Variants in GRID2 observed in about 807,000 individuals in gnomAD.
GRID2 encodes glutamate ionotropic receptor delta type subunit 2, also known as glutamate receptor ionotropic, delta-2.
Under a neutral mutation model 114.8 loss-of-function variants are expected in GRID2, and 33 were observed. The ratio of observed to expected loss-of-function variants is 0.29; its 90% CI spans 0.22 to 0.38. The LOEUF (loss-of-function observed/expected upper bound fraction) is 0.38. GRID2 is among the 10% of genes least tolerant of loss of function. The probability of loss-of-function intolerance (pLI) is 1.00; values close to 1 mark genes in which losing one functional copy is unlikely to be tolerated. For missense variants in GRID2, 1,184 were observed against 1,257.7 expected (o/e 0.94, Z 0.89); for synonymous variants, 505 against 449.9 (o/e 1.12, Z -1.55).
At chr4:92,792,391 T>A (rs781311672) in intron 2 of GRID2, among the ~76,000 whole-genome samples, 1 of 150,628 alleles carries the variant, frequency 6.6e-6, no homozygotes, top group African/African-American at 2.4e-5. Context: ...CCTTGTGTAG[T>A]TCAGAATGCT....
At chr4:92,877,485 T>A (rs1745716137) in intron 2 of GRID2, among the ~76,000 whole-genome samples, 1 of 152,216 alleles carries the variant, frequency 6.6e-6, no homozygotes, top group Non-Finnish European at 1.5e-5. Flanking sequence ...GTAATGAGGA[T>A]GAGCGAGGCA....
intron 4 of GRID2, among the ~76,000 whole-genome samples, chr4:93,136,244 G>C (rs1273255562): frequency 6.7e-6 from 1 of 148,522 alleles, no homozygotes; most frequent in Non-Finnish European, 1.5e-5. Context: ...GTGTGTGTGT[G>C]TGTGTGTGTG....
intron 2 of GRID2, among the ~76,000 whole-genome samples, chr4:92,902,971 T>C (rs1183661092): frequency 1.3e-5 from 2 of 152,036 alleles, no homozygotes; most frequent in African/African-American, 4.8e-5. Context: ...ATAGCATCAT[T>C]TGAAGTCAGG....
At chr4:93,180,453 A>T (rs1739787149) in intron 4 of GRID2, among the ~76,000 whole-genome samples, 2 of 152,100 alleles carry the variant, frequency 1.3e-5, no homozygotes, top group African/African-American at 4.8e-5. Context: ...CAGGGTGGTG[A>T]TTGCTAAAGG....
intron 1 of GRID2, among the ~76,000 whole-genome samples, chr4:92,539,194 A>G (rs1455617317): frequency 6.6e-6 from 1 of 152,170 alleles, no homozygotes; most frequent in Non-Finnish European, 1.5e-5. Flanking sequence ...TGAGATAGAT[A>G]ACATAACACA....
intron 2 of GRID2, among the ~76,000 whole-genome samples, chr4:92,783,004 T>G (rs1394352298): frequency 1.3e-5 from 2 of 152,116 alleles, no homozygotes; most frequent in Non-Finnish European, 2.9e-5. Flanking sequence ...ATATAAATAT[T>G]TACTTTTATT....
At chr4:93,707,596 A>T (rs916080926) in intron 14 of GRID2, among the ~76,000 whole-genome samples, 1 of 151,236 alleles carries the variant, frequency 6.6e-6, no homozygotes, top group African/African-American at 2.4e-5. Flanking sequence ...CTTTTTTCTT[A>T]GTTTGTCTGG....
At chr4:92,552,741 C>T (rs547379991) in intron 1 of GRID2, among the ~76,000 whole-genome samples, 5 of 152,140 alleles carry the variant, frequency 3.3e-5, no homozygotes, top group South Asian at 2.1e-4. Flanking sequence ...AATGTCCAGA[C>T]GAAGGGAAGG....
chr4:93,016,884 AT>A (rs1010985607), intron 2 of GRID2, among the ~76,000 whole-genome samples: 14 of 152,034 alleles, frequency 9.2e-5, no homozygotes, highest in African/African-American at 3.4e-4. Context: ...AATTTTGTCT[AT>A]TTTTTTTAAA....
intron 1 of GRID2, among the ~76,000 whole-genome samples, chr4:92,514,221 A>G (rs1724394180): frequency 1.3e-5 from 2 of 151,938 alleles, no homozygotes; most frequent in South Asian, 4.1e-4. Context: ...TGTATTCTGA[A>G]TCTGTCATGT....
chr4:93,028,765 G>T (rs1454595965), intron 2 of GRID2, among the ~76,000 whole-genome samples: 2 of 151,786 alleles, frequency 1.3e-5, no homozygotes, highest in African/African-American at 4.8e-5. Flanking sequence ...TTTACTCCAG[G>T]CCTAGAAAAT....
intron 2 of GRID2, among the ~76,000 whole-genome samples, chr4:92,891,800 T>A (rs992424394): frequency 1.3e-5 from 2 of 152,250 alleles, no homozygotes; most frequent in South Asian, 2.1e-4. Flanking sequence ...ACTTATTGAG[T>A]CACACTTGCA....
At chr4:93,725,325 A>T (rs908925717) in intron 14 of GRID2, among the ~76,000 whole-genome samples, 1 of 152,162 alleles carries the variant, frequency 6.6e-6, no homozygotes, top group African/African-American at 2.4e-5. Context: ...ATCATTTTTT[A>T]TGGCTGCATA....
intron 12 of GRID2, among the ~76,000 whole-genome samples, chr4:93,511,008 C>T (rs1226969437): frequency 6.6e-6 from 1 of 152,146 alleles, no homozygotes; most frequent in Non-Finnish European, 1.5e-5. Flanking sequence ...ACAGTCTCAG[C>T]TCACTGCAAC....
intron 8 of GRID2, among the ~76,000 whole-genome samples, chr4:93,352,204 T>G (rs1251118978): frequency 6.6e-6 from 1 of 152,048 alleles, no homozygotes; most frequent in Non-Finnish European, 1.5e-5. Flanking sequence ...TGGAGATCAT[T>G]GAATCATAAT....
chr4:92,429,710 T>A (rs996949893), intron 1 of GRID2, among the ~76,000 whole-genome samples: 1 of 152,110 alleles, frequency 6.6e-6, no homozygotes, highest in Admixed American at 6.5e-5. Flanking sequence ...TGTAATTTAG[T>A]CCCCAGCAGA....
intron 8 of GRID2, among the ~76,000 whole-genome samples, chr4:93,287,921 G>C (rs969772293): frequency 1.3e-5 from 2 of 152,136 alleles, no homozygotes; most frequent in African/African-American, 4.8e-5. Flanking sequence ...GTAAACAGTT[G>C]AAAGGATGAA....
chr4:93,426,772 T>C (rs1768886633), intron 10 of GRID2, among the ~76,000 whole-genome samples: 1 of 152,054 alleles, frequency 6.6e-6, no homozygotes, highest in South Asian at 2.1e-4. Context: ...AATTTATAGT[T>C]TAGAGGGAGT....
intron 2 of GRID2, among the ~76,000 whole-genome samples, chr4:92,948,074 G>A (rs1357197957): frequency 6.6e-6 from 1 of 151,820 alleles, no homozygotes; most frequent in Admixed American, 6.6e-5. Flanking sequence ...CCAAGTTAAA[G>A]TGTATAAATA....
Sources: gnomAD v4.1 joint callset for allele counts (sites outside exome capture counted in the v4.1 genomes callset) on GRCh38, gnomAD v4.1.1 for gene constraint, MANE v1.5 for transcripts, NCBI Gene and HGNC (gene_info 2026-07-23, HGNC 2026-07-21) for gene names.